The following NLN variants were observed in gnomAD, a reference collection of about 807,000 sequenced individuals.
NLN encodes neurolysin, mitochondrial.
In NLN, 64 loss-of-function variants were observed where a neutral mutation model predicts 79.9. The observed-to-expected ratio is 0.80, with a 90% CI of 0.65 to 0.99. The LOEUF is 0.99. Among genes scored for constraint, NLN ranks in the 50% least tolerant of loss-of-function variants. The pLI is 0.00. For missense variants in NLN, 835 were observed against 858.7 expected, an observed-to-expected ratio of 0.97 and a Z score of 0.34; for synonymous variants, 267 against 296.6, an observed-to-expected ratio of 0.90 and a Z score of 1.02.
At chr5:65,798,855 T>G (rs986803241) in intron 9 of NLN, among the ~76,000 whole-genome samples, 5 of 152,186 alleles carry the variant, frequency 3.3e-5, no homozygotes, top group Non-Finnish European at 7.3e-5. Flanking sequence ...ATCAAAATAT[T>G]TTTTAAAGAG....
intron 6 of NLN, among the ~76,000 whole-genome samples, chr5:65,781,689 A>G (rs1759803611): frequency 6.6e-6 from 1 of 152,244 alleles, no homozygotes; most frequent in Admixed American, 6.5e-5. Flanking sequence ...TCAACAATCC[A>G]GCACTGGTAA....
At chr5:65,756,043 G>C (rs1164986171) in intron 1 of NLN, among the ~76,000 whole-genome samples, 3 of 152,128 alleles carry the variant, frequency 2.0e-5, no homozygotes, top group Non-Finnish European at 4.4e-5. Flanking sequence ...GCATTCTGCT[G>C]CTGTATTCAA....
intron 1 of NLN, among the ~76,000 whole-genome samples, chr5:65,726,114 A>C (rs1468971990): frequency 0.014 from 1,227 of 90,046 alleles, 16 homozygotes; most frequent in African/African-American, 0.048. Context: ...TCCGTCTCAA[A>C]AAAAAAAAAA....
At chr5:65,822,709 C>G (rs1683344886) in intron 12 of NLN, 72 bp from the exon 13 acceptor site, 1 of 1,161,886 alleles carries the variant, frequency 8.6e-7, no homozygotes, top group Admixed American at 1.7e-5. Flanking sequence ...CTACCCTCTC[C>G]TCTTTTGCAT....
At chr5:65,738,939 T>TATATA (rs1258840726) in intron 1 of NLN, among the ~76,000 whole-genome samples, 3 of 114,764 alleles carry the variant, frequency 2.6e-5, no homozygotes, top group Admixed American at 8.9e-5. Flanking sequence ...TATATATATT[T>TATATA]TTTATATATG....
intron 9 of NLN, among the ~76,000 whole-genome samples, chr5:65,801,974 A>G (rs184423612): frequency 6.6e-6 from 1 of 152,320 alleles, no homozygotes; most frequent in African/African-American, 2.4e-5. Context: ...TTGTCAGTAT[A>G]TCATATGGTG....
At chr5:65,762,674 G>A (rs1759363073) in intron 2 of NLN, among the ~76,000 whole-genome samples, 1 of 149,860 alleles carries the variant, frequency 6.7e-6, no homozygotes, top group Non-Finnish European at 1.5e-5. Flanking sequence ...CTGCACTCCA[G>A]CCTGGGCGAC....
At chr5:65,766,984 C>G (rs1561193122) in intron 3 of NLN, among the ~76,000 whole-genome samples, 1 of 152,244 alleles carries the variant, frequency 6.6e-6, no homozygotes, top group Non-Finnish European at 1.5e-5. Flanking sequence ...GGCTCTGCCT[C>G]TGTGGTTCTC....
intron 1 of NLN, among the ~76,000 whole-genome samples, chr5:65,748,863 T>C (rs1303754103): frequency 6.6e-6 from 1 of 152,174 alleles, no homozygotes; most frequent in East Asian, 1.9e-4. Context: ...GGGACTGATA[T>C]GGTTTGGCTG....
chr5:65,790,620 C>A (rs1260032378), intron 8 of NLN, among the ~76,000 whole-genome samples: 2 of 152,190 alleles, frequency 1.3e-5, no homozygotes, highest in Non-Finnish European at 2.9e-5. Context: ...CTGGGTCCCT[C>A]CCACGACACG....
intron 1 of NLN, among the ~76,000 whole-genome samples, chr5:65,746,077 G>A (rs1003710426): frequency 1.3e-5 from 2 of 152,112 alleles, no homozygotes; most frequent in African/African-American, 4.8e-5. Flanking sequence ...TTGTGCTGGA[G>A]GTACAGATCT....
chr5:65,819,183 C>A (rs1760738771), intron 12 of NLN, among the ~76,000 whole-genome samples: 1 of 152,010 alleles, frequency 6.6e-6, no homozygotes, highest in Non-Finnish European at 1.5e-5. Context: ...AAGTGCTACA[C>A]CAGGAATGCA....
chr5:65,739,885 A>G (rs1211421441), intron 1 of NLN, among the ~76,000 whole-genome samples: 1 of 152,118 alleles, frequency 6.6e-6, no homozygotes, highest in African/African-American at 2.4e-5. Context: ...AGTTACTTGT[A>G]TATTTTGGAT....
At chr5:65,808,750 C>T (rs549634758) in intron 9 of NLN, among the ~76,000 whole-genome samples, 8 of 152,210 alleles carry the variant, frequency 5.3e-5, no homozygotes, top group African/African-American at 1.9e-4. Context: ...TGAATACATC[C>T]GTTGTTTCTC....
chr5:65,812,511 C>G (rs1760576416), intron 12 of NLN, 120 bp downstream of exon 12: 2 of 650,068 alleles, frequency 3.1e-6, no homozygotes, highest in South Asian at 2.0e-5. Context: ...CAGCTTTTAC[C>G]TCTGAGGCCC....
intron 12 of NLN, among the ~76,000 whole-genome samples, chr5:65,818,533 C>A (rs1760723427): frequency 2.0e-5 from 3 of 152,302 alleles, no homozygotes; most frequent in Middle Eastern, 3.4e-3. Context: ...TACTACTATT[C>A]TTGTCTCCAT....
In NLN at chr5:65,817,326, C is replaced by T. The variant is rs138985766; in HGVS notation, c.1980+4935C>T. Among the ~76,000 whole-genome samples the T allele has an allele frequency of 2.1e-3, 320 of 152,272 alleles. 1 individual carries two copies. Among genetic ancestry groups the T allele is most frequent in the African/African-American group, 7.4e-3 (307 of 41,556 alleles). ...AACATGAAGTTGTCTCATTGTCAGA[C>T]ATACTTTTCACTTTTCTAACTGTTC... On this transcript the variant is annotated intron_variant, in intron 12 of 12. Transcript: ENST00000380985.
intron 9 of NLN, among the ~76,000 whole-genome samples, chr5:65,799,362 AAGT>A (rs1760234023): frequency 6.6e-6 from 1 of 152,244 alleles, no homozygotes; most frequent in Non-Finnish European, 1.5e-5. Flanking sequence ...AAAATAATAA[AAGT>A]AGAATTTTAA....
chr5:65,722,685 G>T (rs1464855562), intron 1 of NLN: 7 of 489,884 alleles, frequency 1.4e-5, no homozygotes, highest in Non-Finnish European at 2.2e-5. Flanking sequence ...TCACAGACGC[G>T]GCCCAAAATG....
Sources: allele counts gnomAD v4.1 joint callset (sites outside exome capture counted in the v4.1 genomes callset), GRCh38; gene constraint gnomAD v4.1.1; transcripts MANE v1.5; gene names NCBI Gene and HGNC (gene_info 2026-07-23, HGNC 2026-07-21).